KLF10: variants seen among roughly 807,000 people sequenced by gnomAD.
KLF10 encodes the protein Krueppel-like factor 10.
KLF10 carries 17 observed loss-of-function variants against 31.6 expected under a neutral mutation model. The ratio of observed to expected loss-of-function variants is 0.54; its 90% CI spans 0.37 to 0.81. The LOEUF is 0.81. Ranked by LOEUF, KLF10 falls within the 30% of genes least tolerant of loss-of-function variation. KLF10 has a pLI of 0.00. For synonymous variants in KLF10, 239 were observed against 215.1 expected (o/e 1.11, Z -0.97); for missense variants, 525 against 598.1 (o/e 0.88, Z 1.27).
chr8:102,649,276 CCTT>C lies in KLF10; in HGVS notation c.*853_*855del, dbSNP rs1827149697. On this transcript the variant is annotated 3_prime_UTR_variant, in exon 4 of 4. Transcript: ENST00000285407. ...GAAGTTATCTAAGATTCTTAATATC[CCTT>C]CTTTACAATATATATTTCATCTTCA... 2 of 152,240 alleles carry C rather than the reference CCTT, an allele frequency of 1.3e-5. No homozygotes were observed. The highest frequency in any genetic ancestry group is 4.1e-4 in the South Asian group (2 of 4,826). 9.4% of individuals were successfully genotyped at this position (152,240 alleles called of 1,614,324 possible). A position where few individuals can be genotyped will look rare whatever the true frequency, so the allele number is the denominator to read the frequency against.
chr8:102,651,309 G>C lies in KLF10; in HGVS notation c.1023C>G (p.Leu341=), dbSNP rs1367780476. ...PPVVSPNGTR[L]SPIAPAPGFS... ...ACCCAGGAGCAGGGGCAATGGGAGA[G>C]AGTCTGGTGCCATTCGGGCTCACCA... The change falls in exon 3 of 4, where the codon CTC becomes CTG. Residue 341 remains leucine, a synonymous_variant. Transcript: ENST00000285407. The C allele has an allele frequency of 3.1e-6, 5 of 1,604,760 alleles. No individual in the cohort carries two copies. The highest frequency in any genetic ancestry group is 4.3e-6 in the Non-Finnish European group (5 of 1,175,692).
chr8:102,654,900 A>G (rs957689875), intron 1 of KLF10, among the ~76,000 whole-genome samples: 10 of 151,676 alleles, frequency 6.6e-5, no homozygotes, highest in African/African-American at 2.2e-4. Context: ...CCCCCTCCAG[A>G]CGTCTGGGGG....
Position 102,651,676 on chromosome 8 carries a change from T to A in KLF10, c.656A>T (p.Asp219Val), listed in dbSNP as rs548079858. ...RSKCERNTVA[D>V]VDEKASAALY... The stretch of plus-strand genomic sequence containing the variant: ...TGCAGCACTTGCTTTCTCATCAACA[T>A]CTGCCACTGTGTTTCTCTCACATTT... The change falls in exon 3 of 4, where the codon GAT (aspartate) becomes GTT (valine). Residue 219 changes from aspartate (D) to valine (V), a missense_variant. Coordinates refer to ENST00000285407, the MANE Select transcript of KLF10 (RefSeq NM_005655.4). 8.9e-5 allele frequency: 143 copies of A among 1,614,130 alleles called. No individual in the cohort carries two copies. Among genetic ancestry groups the A allele is most frequent in the Non-Finnish European group, 1.2e-4 (140 of 1,180,046 alleles).
At chr8:102,651,001 T>C in intron 3 of KLF10, 148 bp downstream of exon 3, 1 of 656,494 alleles carries the variant, frequency 1.5e-6, no homozygotes, top group Non-Finnish European at 2.4e-6. Context: ...CGGCCTCCAA[T>C]ACAGCCTTTT....
At chr8:102,653,953 C>G in intron 1 of KLF10, 2 of 987,116 alleles carry the variant, frequency 2.0e-6, no homozygotes, top group East Asian at 1.1e-4. Context: ...ATGGGGCCGC[C>G]CTAACCTCAA....
Position 102,655,484 on chromosome 8 carries a change from C to G in KLF10, c.36+82G>C, listed in dbSNP as rs1827342442. 25 of 1,547,718 alleles carry G rather than the reference C, an allele frequency of 1.6e-5. No homozygotes were observed. In the South Asian group the frequency reaches 2.6e-4, roughly 16 times the overall value. ...CCCAATTCTCAGGCATGGCTGATGT[C>G]CGGGGCTCGGGGTTCGCGCCCCCTT... is the stretch of plus-strand genomic sequence containing the variant. On this transcript the variant is annotated intron_variant, in intron 1 of 3. Transcript: ENST00000285407.
chr8:102,655,007 C>T lies in KLF10; in HGVS notation c.36+559G>A, dbSNP rs573747802. Among the ~76,000 whole-genome samples, 188 of 152,148 alleles carry T rather than the reference C, an allele frequency of 1.2e-3. 1 individual carries two copies. The highest frequency in any genetic ancestry group is 4.1e-3 in the African/African-American group (170 of 41,514). ...CCCCAGCCCCGAGCTATCTGCTGAGCAGCCCCCGTCTTCCAAGCGTGGGTT... is the reference window on the plus strand; with the variant it reads ...CCCCAGCCCCGAGCTATCTGCTGAGTAGCCCCCGTCTTCCAAGCGTGGGTT... On this transcript the variant is annotated intron_variant, in intron 1 of 3. Transcript: ENST00000285407.
chr8:102,655,716 C>G lies in KLF10; in HGVS notation c.-115G>C. 3 of 1,218,088 alleles carry G rather than the reference C, an allele frequency of 2.5e-6. No individual in the cohort carries two copies. Among genetic ancestry groups the G allele is most frequent in the Non-Finnish European group, 2.4e-6 (2 of 847,938 alleles). The allele number at this position is 1,218,088 out of a possible 1,614,324, so 75.5% of individuals were successfully genotyped here. On this transcript the variant is annotated 5_prime_UTR_variant, in exon 1 of 4. Transcript: ENST00000285407. ...CCGCTCCCGCCGCCGCCGCGCTCAG[C>G]GCCGTCTGCCCCCTCCCCATTCAGG...
At chr8:102,654,260 C>T (rs1310203830) in intron 1 of KLF10, 1 of 146,106 alleles carries the variant, frequency 6.8e-6, no homozygotes, top group Non-Finnish European at 1.5e-5. Flanking sequence ...GGCGCCGCCG[C>T]CAACCGCCCG....
intron 3 of KLF10, 72 bp downstream of exon 3, chr8:102,651,077 C>T (rs1241128850): frequency 7.4e-6 from 10 of 1,344,558 alleles, no homozygotes; most frequent in Non-Finnish European, 1.0e-5. Flanking sequence ...CCTTATCATC[C>T]TGGGTTTAAA....
Position 102,649,845 on chromosome 8 carries a change from T to A in KLF10, c.*287A>T. 2 of 426,254 alleles carry A rather than the reference T, an allele frequency of 4.7e-6. No individual in the cohort carries two copies. Among genetic ancestry groups the A allele is most frequent in the Non-Finnish European group, 8.4e-6 (2 of 238,278 alleles). 26.4% of individuals were successfully genotyped at this position (426,254 alleles called of 1,614,324 possible). A position where few individuals can be genotyped will look rare whatever the true frequency, so the allele number is the denominator to read the frequency against. ...CAAATATGCACACAGATTCAAAATC[T>A]GTGCTACCTGTGTTGACCTCATCTG... is the stretch of plus-strand genomic sequence containing the variant. On this transcript the variant is annotated 3_prime_UTR_variant, in exon 4 of 4. Coordinates refer to ENST00000285407, the MANE Select transcript of KLF10 (RefSeq NM_005655.4).
chr8:102,655,424 G>T, intron 1 of KLF10, 142 bp downstream of exon 1: 6 of 1,052,342 alleles, frequency 5.7e-6, no homozygotes, highest in Non-Finnish European at 8.8e-6. Flanking sequence ...TCTGCAGGCA[G>T]GAAGCCCTTT....
intron 1 of KLF10, chr8:102,653,683 C>G (rs1157888093): frequency 7.9e-7 from 1 of 1,268,708 alleles, no homozygotes; most frequent in Non-Finnish European, 9.9e-7. Context: ...TAATCGCGCC[C>G]GCCTTTATGT....
Position 102,651,831 on chromosome 8 carries a change from G to A in KLF10, c.501C>T (p.His167=). The change falls in exon 3 of 4, where the codon CAC becomes CAT. Residue 167 remains histidine (H), a synonymous_variant. Transcript: ENST00000285407. ...RHTADAQLCN[H]QTCPMKAASI... Reference sequence around the variant, plus strand: ...TGGCTGCTTTCATTGGGCAGGTCTGGTGGTTACATAGCTGGGCATCAGCTG... The same window carrying A: ...TGGCTGCTTTCATTGGGCAGGTCTGATGGTTACATAGCTGGGCATCAGCTG... 1 of 1,614,188 alleles carries A rather than the reference G, an allele frequency of 6.2e-7. No individual in the cohort carries two copies. The highest frequency in any genetic ancestry group is 8.5e-7 in the Non-Finnish European group (1 of 1,180,034).
chr8:102,655,524 A>C (rs1827343732), intron 1 of KLF10, 42 bp downstream of exon 1: 2 of 1,613,360 alleles, frequency 1.2e-6, no homozygotes, highest in Non-Finnish European at 1.7e-6. Flanking sequence ...CCCCCAGACA[A>C]GACCAGGCGA....
At chr8:102,652,842 C>T (rs987288043) in intron 1 of KLF10, among the ~76,000 whole-genome samples, 5 of 151,828 alleles carry the variant, frequency 3.3e-5, no homozygotes, top group East Asian at 3.9e-4. Context: ...ACTAAGAGTG[C>T]GGCAAAAAAT....
chr8:102,651,516 G>A lies in KLF10; in HGVS notation c.816C>T (p.Val272=). ...CAGGAAGGGGAACCATCTGGCAGATGACCGGCATAGGTGGCACTCCCCCTG... is the reference window on the plus strand; with the variant it reads ...CAGGAAGGGGAACCATCTGGCAGATAACCGGCATAGGTGGCACTCCCCCTG... ...VSAGGVPPMP[V]ICQMVPLPAN... The change falls in exon 3 of 4, where the codon GTC becomes GTT. Residue 272 remains valine (V), a synonymous_variant. Coordinates refer to ENST00000285407, the MANE Select transcript of KLF10 (RefSeq NM_005655.4). 6.2e-7 allele frequency: 1 copy of A among 1,613,556 alleles called. No homozygotes were observed. Among genetic ancestry groups the A allele is most frequent in the Non-Finnish European group, 8.5e-7 (1 of 1,179,574 alleles).
At chr8:102,653,118 T>G (rs1479767425) in intron 1 of KLF10, among the ~76,000 whole-genome samples, 1 of 152,190 alleles carries the variant, frequency 6.6e-6, no homozygotes, top group Non-Finnish European at 1.5e-5. Flanking sequence ...AAAAATCAAG[T>G]GATATACATA....
Position 102,651,522 on chromosome 8 carries a change from CATAGGTGGCACTCCCCCTGCAGATACT to C in KLF10, c.783_809del (p.Val262_Met270del), listed in dbSNP as rs1248147066. 1.2e-6 allele frequency: 2 copies of C among 1,613,116 alleles called. No homozygotes were observed. Among genetic ancestry groups the C allele is most frequent in the Admixed American group, 1.7e-5 (1 of 59,970 alleles). The stretch of plus-strand genomic sequence containing the variant: ...GGGGAACCATCTGGCAGATGACCGG[CATAGGTGGCACTCCCCCTGCAGATACT>C]GCAGGTGGAGAGACCAACACTGACT... On this transcript the variant is annotated inframe_deletion, in exon 3 of 4. Coordinates refer to ENST00000285407, the MANE Select transcript of KLF10 (RefSeq NM_005655.4).
Sources: gnomAD v4.1 joint callset for allele counts (sites outside exome capture counted in the v4.1 genomes callset) on GRCh38, gnomAD v4.1.1 for gene constraint, MANE v1.5 for transcripts, NCBI Gene and HGNC (gene_info 2026-07-23, HGNC 2026-07-21) for gene names.